DTNB: variants seen among roughly 807,000 people sequenced by gnomAD.
The protein encoded by DTNB is dystrobrevin beta.
Under a neutral mutation model 90.7 loss-of-function variants are expected in DTNB, and 63 were observed. That is an observed-to-expected ratio of 0.69 (90% confidence interval 0.57 to 0.86). DTNB has a LOEUF of 0.86. Among genes scored for constraint, DTNB ranks in the 40% least tolerant of loss-of-function variants. The probability of loss-of-function intolerance (pLI) is 0.00; values close to 1 mark genes in which losing one functional copy is unlikely to be tolerated. For missense variants in DTNB, 744 were observed against 807.1 expected (o/e 0.92, Z 0.95); for synonymous variants, 277 against 286.7 (o/e 0.97, Z 0.34).
At chr2:25,414,508 C>T (rs983724052) in intron 16 of DTNB, among the ~76,000 whole-genome samples, 1 of 152,188 alleles carries the variant, frequency 6.6e-6, no homozygotes, top group African/African-American at 2.4e-5. Context: ...CCTGCCTTGG[C>T]CTCCCAAAGT....
At chr2:25,463,995 T>G (rs574394041) in intron 10 of DTNB, among the ~76,000 whole-genome samples, 1 of 152,218 alleles carries the variant, frequency 6.6e-6, no homozygotes, top group Non-Finnish European at 1.5e-5. Flanking sequence ...AACCTCTGCC[T>G]CCTCGGTTAA....
chr2:25,474,563 A>G (rs1379548394), intron 10 of DTNB, among the ~76,000 whole-genome samples: 2 of 151,806 alleles, frequency 1.3e-5, no homozygotes, highest in Non-Finnish European at 2.9e-5. Context: ...AAACAAAAAC[A>G]TAGTGATTTT....
intron 9 of DTNB, among the ~76,000 whole-genome samples, chr2:25,523,666 T>C (rs2076560167): frequency 6.6e-6 from 1 of 150,800 alleles, no homozygotes; most frequent in East Asian, 1.9e-4. Context: ...AAAGAACTGC[T>C]ACTCATATGT....
At chr2:25,525,987 T>C (rs1267104743) in intron 9 of DTNB, among the ~76,000 whole-genome samples, 2 of 152,010 alleles carry the variant, frequency 1.3e-5, no homozygotes, top group Non-Finnish European at 2.9e-5. Flanking sequence ...AGATGACTAC[T>C]CCTTTCTAGG....
Position 25,458,646 on chromosome 2 carries a change from TTTA to T in DTNB, c.1080-3155_1080-3153del, listed in dbSNP as rs2060441235. ...CCCACACCCGGCTAATATTTATTTA[TTTA>T]TTTATTTATTTTTGAGATGGAGTCT... On this transcript the variant is annotated intron_variant, in intron 10 of 20. Coordinates refer to ENST00000406818, the MANE Select transcript of DTNB (RefSeq NM_021907.5). 3.3e-5 allele frequency among the ~76,000 whole-genome samples: 5 copies of T among 151,796 alleles called. No individual in the cohort carries two copies. The South Asian group carries it at 8.3e-4, about 25-fold the overall frequency.
At chr2:25,538,009 G>T (rs1329385237) in intron 8 of DTNB, among the ~76,000 whole-genome samples, 1 of 152,150 alleles carries the variant, frequency 6.6e-6, no homozygotes, top group Non-Finnish European at 1.5e-5. Flanking sequence ...CTTAGGCAAT[G>T]ATTTTAAATA....
At chr2:25,469,726 G>A (rs1222661113) in intron 10 of DTNB, among the ~76,000 whole-genome samples, 1 of 152,152 alleles carries the variant, frequency 6.6e-6, no homozygotes, top group Non-Finnish European at 1.5e-5. Flanking sequence ...ACAGGTGTGA[G>A]CCACTGCGCC....
intron 8 of DTNB, among the ~76,000 whole-genome samples, chr2:25,568,966 A>G (rs557964213): frequency 4.6e-5 from 7 of 152,328 alleles, no homozygotes; most frequent in Non-Finnish European, 1.0e-4. Context: ...TGCTGTCTGG[A>G]TGCCTCCTCT....
rs2062327872 is a variant in DTNB at position 25,585,999 on chromosome 2, A to G, written c.604-5173T>C. ...AATGTTACTCTGCTTTTTCTTAGAG[A>G]TATTTTTATTTGTTATGGATAAAGG... On this transcript the variant is annotated intron_variant, in intron 6 of 20. Transcript: ENST00000406818. Among the ~76,000 whole-genome samples the G allele has an allele frequency of 3.3e-5, 5 of 152,196 alleles. No homozygotes were observed. In the South Asian group the frequency reaches 1.0e-3, roughly 31 times the overall value.
rs576226520 is a variant in DTNB at position 25,455,446 on chromosome 2, C to T, written c.1128G>A (p.Ala376=). 1.4e-5 allele frequency: 23 copies of T among 1,606,616 alleles called. No individual in the cohort carries two copies. The highest frequency in any genetic ancestry group is 1.1e-4 in the South Asian group (10 of 89,150). The change falls in exon 11 of 21, where the codon GCG becomes GCA. Residue 376 remains alanine (A), a synonymous_variant. Transcript: ENST00000406818. ...GACGGGCCACATAGGAGGCTATCAG[C>T]GCATGCTCATCGGCCAAGTGACTGG... ...DIPSHLADEH[A]LIASYVARLQ...
At chr2:25,630,496 T>C (rs1002620502) in intron 3 of DTNB, among the ~76,000 whole-genome samples, 3 of 152,082 alleles carry the variant, frequency 2.0e-5, no homozygotes, top group African/African-American at 7.2e-5. Flanking sequence ...GATACACGGA[T>C]AAATAAAATG....
intron 11 of DTNB, among the ~76,000 whole-genome samples, chr2:25,454,648 C>G (rs771085795): frequency 6.6e-6 from 1 of 152,110 alleles, no homozygotes; most frequent in Non-Finnish European, 1.5e-5. Context: ...AGTAATACCA[C>G]TTTTTTCGGT....
chr2:25,467,531 T>A (rs1399343669), intron 10 of DTNB, among the ~76,000 whole-genome samples: 2 of 152,106 alleles, frequency 1.3e-5, no homozygotes, highest in Non-Finnish European at 2.9e-5. Context: ...CTTGAACTCC[T>A]AGCCTCAAGT....
At chr2:25,668,914 A>G (rs1445135343) in intron 1 of DTNB, among the ~76,000 whole-genome samples, 1 of 152,268 alleles carries the variant, frequency 6.6e-6, no homozygotes, top group African/African-American at 2.4e-5. Context: ...AAAATGTGGT[A>G]TATTCATACC....
chr2:25,496,881 T>C (rs968817093), intron 9 of DTNB, among the ~76,000 whole-genome samples: 1 of 151,616 alleles, frequency 6.6e-6, no homozygotes, highest in South Asian at 2.1e-4. Context: ...GCTGCCCATT[T>C]AATAGAAACT....
intron 18 of DTNB, among the ~76,000 whole-genome samples, chr2:25,384,628 G>A (rs918488092): frequency 1.3e-5 from 2 of 152,168 alleles, no homozygotes; most frequent in African/African-American, 4.8e-5. Flanking sequence ...AAACTAGGAA[G>A]GGTTGTCATT....
chr2:25,579,046 CAATA>C (rs772336527), intron 7 of DTNB, among the ~76,000 whole-genome samples: 23 of 151,620 alleles, frequency 1.5e-4, no homozygotes, highest in Non-Finnish European at 2.9e-4. Context: ...AGAATGTAAT[CAATA>C]AATTATACAC....
intron 9 of DTNB, among the ~76,000 whole-genome samples, chr2:25,520,153 G>A (rs1394032207): frequency 6.6e-6 from 1 of 152,216 alleles, no homozygotes; most frequent in East Asian, 1.9e-4. Context: ...GGAGACCGAG[G>A]CGGGTGGATG....
At position 25,596,492 on chromosome 2, in the gene DTNB, C is replaced by A. The variant is rs114728228; in HGVS notation, c.449-252G>T. 2.5e-3 allele frequency: 657 copies of A among 265,184 alleles called. 3 individuals are homozygous for A. Among genetic ancestry groups the A allele is most frequent in the African/African-American group, 0.014 (612 of 44,480 alleles). 16.4% of individuals were successfully genotyped at this position (265,184 alleles called of 1,614,324 possible). On this transcript the variant is annotated intron_variant, in intron 5 of 20. Transcript: ENST00000406818. ...CAAATAACCATTCATGTGTGACTAT[C>A]CTACTTTTGAGTGTTTAAAACTAGA...
Sources: gnomAD v4.1 joint callset for allele counts (sites outside exome capture counted in the v4.1 genomes callset) on GRCh38, gnomAD v4.1.1 for gene constraint, MANE v1.5 for transcripts, NCBI Gene and HGNC (gene_info 2026-07-23, HGNC 2026-07-21) for gene names.